FBXL17: variants seen among roughly 807,000 people sequenced by gnomAD.
The protein encoded by FBXL17 is F-box and leucine rich repeat protein 17.
FBXL17 carries 22 observed loss-of-function variants against 66.2 expected under a neutral mutation model. The observed-to-expected ratio is 0.33, with a 90% confidence interval of 0.24 to 0.47. FBXL17 has a LOEUF of 0.47. FBXL17 is among the 20% of genes least tolerant of loss of function. The pLI is 1.00. For synonymous variants in FBXL17, 474 were observed against 400.5 expected (o/e 1.18, Z -2.19); for missense variants, 878 against 948.2 (o/e 0.93, Z 0.97).
rs1476139443 is a variant in FBXL17, at chr5:108,381,588, C to G, written c.104G>C (p.Arg35Pro). The G allele has an allele frequency of 3.4e-6, 5 of 1,457,110 alleles. No individual in the cohort carries two copies. The highest frequency in any genetic ancestry group is 3.6e-6 in the Non-Finnish European group (4 of 1,111,784). 90.3% of individuals were successfully genotyped at this position (1,457,110 alleles called of 1,614,324 possible). A position where few individuals can be genotyped will look rare whatever the true frequency, so the allele number is the denominator to read the frequency against. Residue 35 changes from arginine (R) to proline (P), a missense_variant, in exon 1 of 9, where the codon CGC becomes CCC. Physicochemically the swap from Arg to Pro is moderately radical, Grantham distance 103. This residue lies in a region of FBXL17 where 605 missense variants were observed against 509.5 expected (regional missense o/e 1.19). Transcript: ENST00000542267. ...RRRRPLLRLP[R>P]RTPAKVPPQP... Reference sequence around the variant, plus strand: ...AGGGGGCACCTTGGCTGGGGTCCGGCGGGGCAGCCTGAGGAGAGGGCGCCG... The same window carrying G: ...AGGGGGCACCTTGGCTGGGGTCCGGGGGGGCAGCCTGAGGAGAGGGCGCCG...
At chr5:108,326,116 C>A (rs1343191572) in intron 4 of FBXL17, among the ~76,000 whole-genome samples, 1 of 152,076 alleles carries the variant, frequency 6.6e-6, no homozygotes, top group Non-Finnish European at 1.5e-5. Flanking sequence ...CCCAAAAGCC[C>A]TTACCATTAA....
At chr5:107,985,536 G>C (rs1752982514) in intron 7 of FBXL17, among the ~76,000 whole-genome samples, 1 of 152,164 alleles carries the variant, frequency 6.6e-6, no homozygotes, top group Non-Finnish European at 1.5e-5. Flanking sequence ...ATTGCCCTAA[G>C]TGGACCTTCT....
At chr5:108,154,616 T>TACACACACACAC (rs768615062) in intron 6 of FBXL17, among the ~76,000 whole-genome samples, 99 of 96,280 alleles carry the variant, frequency 1.0e-3, no homozygotes, top group African/African-American at 4.6e-3. Flanking sequence ...AATATATATA[T>TACACACACACAC]ACACACACAC....
intron 6 of FBXL17, among the ~76,000 whole-genome samples, chr5:108,120,935 C>T (rs2017561272): frequency 6.6e-6 from 1 of 151,982 alleles, no homozygotes; most frequent in Admixed American, 6.5e-5. Context: ...AAAAAAAGAA[C>T]CAAAAACAGA....
At chr5:108,118,475 T>G (rs1416985061) in intron 6 of FBXL17, among the ~76,000 whole-genome samples, 1 of 152,204 alleles carries the variant, frequency 6.6e-6, no homozygotes, top group African/African-American at 2.4e-5. Context: ...GGTAAGATCT[T>G]TTGCAACACA....
At chr5:107,990,836 A>C (rs1292328458) in intron 7 of FBXL17, among the ~76,000 whole-genome samples, 2 of 152,154 alleles carry the variant, frequency 1.3e-5, no homozygotes, top group African/African-American at 4.8e-5. Flanking sequence ...GTATCTTCTC[A>C]GAGACTGACA....
At chr5:108,170,880 T>C (rs567524062) in intron 6 of FBXL17, among the ~76,000 whole-genome samples, 1 of 152,312 alleles carries the variant, frequency 6.6e-6, no homozygotes, top group South Asian at 2.1e-4. Context: ...GGCATAAATA[T>C]AGTGGTGATT....
intron 6 of FBXL17, among the ~76,000 whole-genome samples, chr5:108,045,388 G>C (rs1747216182): frequency 1.3e-5 from 2 of 152,094 alleles, no homozygotes; most frequent in African/African-American, 2.4e-5. Flanking sequence ...GTTTCAGTGA[G>C]CTCAGATCGC....
chr5:108,228,595 T>G (rs935555654), intron 4 of FBXL17, among the ~76,000 whole-genome samples: 1 of 152,216 alleles, frequency 6.6e-6, no homozygotes, highest in Non-Finnish European at 1.5e-5. Flanking sequence ...GCATGGCACA[T>G]TGTAATTGTT....
Position 108,381,008 on chromosome 5 carries a change from G to GCAGGCCCT in FBXL17, c.683_684insAGGGCCTG (p.Gly230ProfsTer131). 1 of 1,187,468 alleles carries GCAGGCCCT rather than the reference G, an allele frequency of 8.4e-7. No homozygotes were observed. The highest frequency in any genetic ancestry group is 1.0e-6 in the Non-Finnish European group (1 of 959,536). The allele number at this position is 1,187,468 out of a possible 1,614,324, so 73.6% of individuals were successfully genotyped here. On this transcript the variant is annotated frameshift_variant, in exon 1 of 9. Coordinates refer to ENST00000542267, the MANE Select transcript of FBXL17 (RefSeq NM_001163315.3). LOFTEE classifies it high-confidence loss of function. ...CGCCTCCCCCCGCAGGCCCTCCCCC[G>GCAGGCCCT]CCACCGCCGCCGCCGCCGCCGCCGC...
chr5:108,201,737 C>T (rs1356778400), intron 5 of FBXL17, among the ~76,000 whole-genome samples: 1 of 151,560 alleles, frequency 6.6e-6, no homozygotes, highest in Non-Finnish European at 1.5e-5. Context: ...AGAAATGGGA[C>T]CCCTTCCATG....
intron 7 of FBXL17, among the ~76,000 whole-genome samples, chr5:107,985,332 AG>A (rs942958284): frequency 2.0e-4 from 31 of 152,362 alleles, no homozygotes; most frequent in African/African-American, 7.2e-4. Context: ...AAGGATGATT[AG>A]TCCTTGTACT....
chr5:108,329,600 C>T (rs184396716), intron 4 of FBXL17, among the ~76,000 whole-genome samples: 48 of 152,210 alleles, frequency 3.2e-4, no homozygotes, highest in African/African-American at 1.1e-3. Context: ...ACTACCATAG[C>T]TCAATGAAAT....
At chr5:107,934,713 C>G (rs970771177) in intron 7 of FBXL17, among the ~76,000 whole-genome samples, 2 of 152,044 alleles carry the variant, frequency 1.3e-5, no homozygotes, top group African/African-American at 2.4e-5. Flanking sequence ...AGAATCCCAG[C>G]GATTGCTATG....
At chr5:108,323,946 G>A (rs897884927) in intron 4 of FBXL17, among the ~76,000 whole-genome samples, 3 of 151,798 alleles carry the variant, frequency 2.0e-5, no homozygotes, top group Admixed American at 6.6e-5. Flanking sequence ...AAAAATGAAC[G>A]GAAGACCTAA....
intron 6 of FBXL17, among the ~76,000 whole-genome samples, chr5:108,113,567 T>C (rs949475279): frequency 2.6e-5 from 4 of 152,018 alleles, no homozygotes; most frequent in Non-Finnish European, 5.9e-5. Context: ...AGAAAAAAAG[T>C]AATTCTGAGA....
intron 6 of FBXL17, among the ~76,000 whole-genome samples, chr5:108,040,746 T>C (rs1008223927): frequency 3.9e-5 from 6 of 152,210 alleles, no homozygotes; most frequent in Non-Finnish European, 7.3e-5. Context: ...CCAAATGATA[T>C]GCAGGAATAA....
intron 7 of FBXL17, among the ~76,000 whole-genome samples, chr5:107,933,011 T>C (rs2112577783): frequency 6.6e-6 from 1 of 152,250 alleles, no homozygotes; most frequent in Non-Finnish European, 1.5e-5. Context: ...TATAGGAAGA[T>C]GGGTGAAGGC....
At chr5:108,285,983 C>T (rs766272811) in intron 4 of FBXL17, among the ~76,000 whole-genome samples, 2 of 151,844 alleles carry the variant, frequency 1.3e-5, no homozygotes, top group Non-Finnish European at 2.9e-5. Context: ...GCAAAAGTGG[C>T]TCGACATGCA....
Sources: gnomAD v4.1 joint callset for allele counts (sites outside exome capture counted in the v4.1 genomes callset) on GRCh38, gnomAD v4.1.1 for gene constraint, gnomAD v4.1.1 regional missense constraint, MANE v1.5 for transcripts, NCBI Gene and HGNC (gene_info 2026-07-23, HGNC 2026-07-21) for gene names.